NPAS3: variants seen among roughly 807,000 people sequenced by gnomAD.
The protein encoded by NPAS3 is neuronal PAS domain protein 3, also known as neuronal PAS domain-containing protein 3.
Under a neutral mutation model 73.1 loss-of-function variants are expected in NPAS3, and 14 were observed. The observed-to-expected ratio is 0.19, with a 90% CI of 0.13 to 0.30. The LOEUF (loss-of-function observed/expected upper bound fraction) is 0.30. Ranked by LOEUF, NPAS3 falls within the 10% of genes least tolerant of loss-of-function variation. The probability of loss-of-function intolerance (pLI) is 1.00; values close to 1 mark genes in which losing one functional copy is unlikely to be tolerated. For missense variants in NPAS3, 1,096 were observed against 1,250.0 expected (o/e 0.88, Z 1.86); for synonymous variants, 620 against 541.5 (o/e 1.14, Z -2.01).
intron 1 of NPAS3, among the ~76,000 whole-genome samples, chr14:32,980,880 A>G (rs1255736714): frequency 6.6e-6 from 1 of 152,314 alleles, no homozygotes; most frequent in Admixed American, 6.5e-5. Context: ...CTTATGTTGT[A>G]TAAGGTATTT....
chr14:32,960,599 G>A (rs2036870607), intron 1 of NPAS3, among the ~76,000 whole-genome samples: 1 of 152,042 alleles, frequency 6.6e-6, no homozygotes, highest in Non-Finnish European at 1.5e-5. Flanking sequence ...AATAAAAATG[G>A]ATTTTCTTCA....
chr14:33,575,101 C>A (rs575286520), intron 5 of NPAS3, among the ~76,000 whole-genome samples: 1 of 152,268 alleles, frequency 6.6e-6, no homozygotes, highest in African/African-American at 2.4e-5. Context: ...GGAGGTCCTG[C>A]CCCAAGACAA....
intron 2 of NPAS3, among the ~76,000 whole-genome samples, chr14:33,132,834 TG>T (rs1249631143): frequency 1.6e-4 from 24 of 152,308 alleles, no homozygotes; most frequent in African/African-American, 5.8e-4. Flanking sequence ...TAATATTTAC[TG>T]ATACCTGTTA....
At chr14:33,689,490 A>T (rs2060176048) in intron 6 of NPAS3, among the ~76,000 whole-genome samples, 2 of 152,168 alleles carry the variant, frequency 1.3e-5, no homozygotes, top group Admixed American at 1.3e-4. Context: ...GCATCTAGGC[A>T]TGAACAGCTT....
intron 2 of NPAS3, among the ~76,000 whole-genome samples, chr14:33,077,871 G>A (rs1486931125): frequency 7.0e-6 from 1 of 142,158 alleles, no homozygotes; most frequent in African/African-American, 2.6e-5. Context: ...TATATGACCG[G>A]GTGCAGTGGC....
chr14:32,941,815 A>G (rs1956001), intron 1 of NPAS3, among the ~76,000 whole-genome samples: 94,700 of 151,974 alleles, frequency 0.62, 30,240 homozygotes, highest in African/African-American at 0.76. Flanking sequence ...TATAAACTAA[A>G]CCTTTCAAAA....
At chr14:33,359,083 A>G (rs2140380578) in intron 3 of NPAS3, among the ~76,000 whole-genome samples, 1 of 152,312 alleles carries the variant, frequency 6.6e-6, no homozygotes, top group Non-Finnish European at 1.5e-5. Context: ...CATAATACCA[A>G]GAAGTGATGT....
intron 3 of NPAS3, among the ~76,000 whole-genome samples, chr14:33,355,215 A>G (rs1362861045): frequency 1.3e-5 from 2 of 152,200 alleles, no homozygotes; most frequent in Non-Finnish European, 2.9e-5. Context: ...ACTAACACTC[A>G]TATCTAGCCC....
intron 4 of NPAS3, among the ~76,000 whole-genome samples, chr14:33,517,059 G>T (rs1230116132): frequency 6.6e-6 from 1 of 152,110 alleles, no homozygotes; most frequent in Non-Finnish European, 1.5e-5. Context: ...TGACATGGTT[G>T]ATGGAGGAAA....
At chr14:33,741,019 T>C (rs2061642967) in intron 7 of NPAS3, among the ~76,000 whole-genome samples, 2 of 152,090 alleles carry the variant, frequency 1.3e-5, no homozygotes, top group African/African-American at 4.8e-5. Context: ...AGCCTGGAGG[T>C]ATGCCCAGCA....
intron 3 of NPAS3, among the ~76,000 whole-genome samples, chr14:33,261,316 C>A (rs1325259147): frequency 6.7e-5 from 10 of 149,570 alleles, no homozygotes; most frequent in African/African-American, 2.5e-4. Flanking sequence ...AAAAAAAGAA[C>A]TCATTTTCCC....
chr14:33,739,646 T>C (rs979059230), intron 7 of NPAS3, among the ~76,000 whole-genome samples: 2 of 152,202 alleles, frequency 1.3e-5, no homozygotes, highest in Non-Finnish European at 1.5e-5. Flanking sequence ...TGGAGTATCA[T>C]AGAGCCCTTT....
intron 2 of NPAS3, among the ~76,000 whole-genome samples, chr14:33,128,426 T>C (rs2043512856): frequency 6.6e-6 from 1 of 152,186 alleles, no homozygotes; most frequent in African/African-American, 2.4e-5. Context: ...TCTTAAATAT[T>C]GTTTGAAATA....
chr14:33,791,618 G>A (rs747722194), intron 9 of NPAS3, among the ~76,000 whole-genome samples: 1 of 152,300 alleles, frequency 6.6e-6, no homozygotes, highest in East Asian at 1.9e-4. Flanking sequence ...TCCAAATTGG[G>A]ATTTTATTAA....
intron 5 of NPAS3, among the ~76,000 whole-genome samples, chr14:33,661,097 GAAAAAA>G (rs11297345): frequency 7.5e-6 from 1 of 132,578 alleles, no homozygotes; most frequent in African/African-American, 2.7e-5. Context: ...TCAGTAAAAG[GAAAAAA>G]AAAAAAAAAA....
intron 3 of NPAS3, among the ~76,000 whole-genome samples, chr14:33,311,973 A>G (rs1444764248): frequency 6.6e-6 from 1 of 152,146 alleles, no homozygotes; most frequent in Non-Finnish European, 1.5e-5. Context: ...TGGTTGGACT[A>G]TATCACAAGG....
chr14:33,225,730 G>A (rs11624823), intron 3 of NPAS3, among the ~76,000 whole-genome samples: 45,835 of 151,934 alleles, frequency 0.3, 7,145 homozygotes, highest in East Asian at 0.51. Flanking sequence ...TAGCTTGTGG[G>A]TGGTACAGAA....
chr14:33,502,882 G>T (rs1019275765), intron 4 of NPAS3, among the ~76,000 whole-genome samples: 2 of 152,046 alleles, frequency 1.3e-5, no homozygotes, highest in Non-Finnish European at 1.5e-5. Flanking sequence ...TTTGGGTCTT[G>T]CTTGAAGTAA....
Position 33,002,947 on chromosome 14 carries a change from TTG to T in NPAS3, c.51-52953_51-52952del, listed in dbSNP as rs1178236326. Among the ~76,000 whole-genome samples, 3 of 152,280 alleles carry T rather than the reference TTG, an allele frequency of 2.0e-5. No homozygotes were observed. In the East Asian group the frequency reaches 5.8e-4, roughly 29 times the overall value. ...AGTCATTCACACTCTCTGTATATTA[TTG>T]TGTGAGTTAGGCTAGAGCATCTTCA... On this transcript the variant is annotated intron_variant, in intron 1 of 11. Coordinates refer to ENST00000356141, the Ensembl canonical transcript of NPAS3.
Sources: gnomAD v4.1 joint callset for allele counts (sites outside exome capture counted in the v4.1 genomes callset) on GRCh38, gnomAD v4.1.1 for gene constraint, MANE v1.5 for transcripts, NCBI Gene and HGNC (gene_info 2026-07-23, HGNC 2026-07-21) for gene names.